FNDC3A: variants seen among roughly 807,000 people sequenced by gnomAD.
FNDC3A encodes fibronectin type-III domain-containing protein 3A.
FNDC3A carries 32 observed loss-of-function variants against 148.9 expected under a neutral mutation model. The observed-to-expected ratio is 0.21, with a 90% CI of 0.16 to 0.29. The LOEUF is 0.29. FNDC3A is among the 10% of genes least tolerant of loss of function. The probability of loss-of-function intolerance (pLI) is 1.00; values close to 1 mark genes in which losing one functional copy is unlikely to be tolerated. For missense variants in FNDC3A, 1,191 were observed against 1,452.8 expected (o/e 0.82, Z 2.93); for synonymous variants, 472 against 473.6 (o/e 1.00, Z 0.04).
intron 14 of FNDC3A, among the ~76,000 whole-genome samples, chr13:49,185,487 T>TA (rs1350961733): frequency 6.6e-6 from 1 of 152,144 alleles, no homozygotes. Flanking sequence ...ATAGGGAAGT[T>TA]ACACACACCG....
intron 3 of FNDC3A, among the ~76,000 whole-genome samples, chr13:49,103,577 G>T (rs988023867): frequency 6.6e-6 from 1 of 152,162 alleles, no homozygotes; most frequent in African/African-American, 2.4e-5. Flanking sequence ...AGGGACTGGG[G>T]GCAAGGAGAC....
chr13:49,083,838 A>C (rs936099472), intron 3 of FNDC3A, among the ~76,000 whole-genome samples: 1 of 152,244 alleles, frequency 6.6e-6, no homozygotes, highest in African/African-American at 2.4e-5. Context: ...GTGATATTAT[A>C]AAAGTAATTC....
At chr13:49,049,576 G>C (rs1875675134) in intron 2 of FNDC3A, among the ~76,000 whole-genome samples, 1 of 151,660 alleles carries the variant, frequency 6.6e-6, no homozygotes, top group Admixed American at 6.6e-5. Flanking sequence ...ATCTCCTCTA[G>C]GTTTTCTAAT....
At chr13:49,155,228 C>T (rs1380928714) in intron 8 of FNDC3A, among the ~76,000 whole-genome samples, 1 of 152,130 alleles carries the variant, frequency 6.6e-6, no homozygotes, top group Non-Finnish European at 1.5e-5. Flanking sequence ...GATTCACCTT[C>T]TTCCTGGTTT....
chr13:49,202,740 C>A (rs1886477977), intron 24 of FNDC3A, among the ~76,000 whole-genome samples: 1 of 152,212 alleles, frequency 6.6e-6, no homozygotes. Context: ...CAGTGGCTCA[C>A]ACCTATAAGC....
chr13:49,166,211 T>C (rs1884452783), intron 8 of FNDC3A, among the ~76,000 whole-genome samples: 1 of 152,180 alleles, frequency 6.6e-6, no homozygotes, highest in Non-Finnish European at 1.5e-5. Context: ...TCACTTGCGC[T>C]TTGGCCCCAG....
intron 3 of FNDC3A, among the ~76,000 whole-genome samples, chr13:49,105,022 T>C (rs534279637): frequency 1.3e-5 from 2 of 152,270 alleles, no homozygotes; most frequent in East Asian, 3.9e-4. Context: ...GAAGAGTATA[T>C]TTGCAACCAA....
chr13:49,207,919 G>C lies in FNDC3A; in HGVS notation c.*524G>C, dbSNP rs891765097. 4.6e-5 allele frequency: 7 copies of C among 152,590 alleles called. No homozygotes were observed. Among genetic ancestry groups the C allele is most frequent in the African/African-American group, 1.7e-4 (7 of 41,416 alleles). 9.5% of individuals were successfully genotyped at this position (152,590 alleles called of 1,614,324 possible). ...GGGATTATGATGAGTAACTGGAGGGGCTTAGAAACAAAAACTGGATGAAAG... is the reference window on the plus strand; with the variant it reads ...GGGATTATGATGAGTAACTGGAGGGCCTTAGAAACAAAAACTGGATGAAAG... On this transcript the variant is annotated 3_prime_UTR_variant, in exon 26 of 26. Coordinates refer to ENST00000492622, the MANE Select transcript of FNDC3A (RefSeq NM_001079673.2).
intron 3 of FNDC3A, among the ~76,000 whole-genome samples, chr13:49,108,749 G>A (rs2137858722): frequency 6.6e-6 from 1 of 152,228 alleles, no homozygotes; most frequent in South Asian, 2.1e-4. Context: ...TTTACAGGGG[G>A]GCTGGGTCTA....
intron 3 of FNDC3A, among the ~76,000 whole-genome samples, chr13:49,108,153 A>G (rs1324680297): frequency 2.0e-5 from 3 of 152,224 alleles, no homozygotes; most frequent in Admixed American, 1.3e-4. Flanking sequence ...AACATGGGTT[A>G]CTAAAAATAG....
intron 23 of FNDC3A, 129 bp downstream of exon 23, chr13:49,198,703 A>G (rs1439808281): frequency 6.9e-6 from 5 of 722,368 alleles, no homozygotes; most frequent in Non-Finnish European, 1.1e-5. Flanking sequence ...AGGCTGAGGC[A>G]GGCGAATTGC....
intron 4 of FNDC3A, among the ~76,000 whole-genome samples, chr13:49,116,480 G>A (rs1880967118): frequency 6.6e-6 from 1 of 152,136 alleles, no homozygotes; most frequent in East Asian, 1.9e-4. Flanking sequence ...TCTGGGAAGA[G>A]GCAAATAAAA....
At chr13:49,007,361 C>A (rs1302748575) in intron 2 of FNDC3A, among the ~76,000 whole-genome samples, 3 of 152,034 alleles carry the variant, frequency 2.0e-5, no homozygotes, top group African/African-American at 7.2e-5. Context: ...CCAGCAATTT[C>A]ATTCCACAAA....
intron 3 of FNDC3A, among the ~76,000 whole-genome samples, chr13:49,095,775 T>A (rs1339218984): frequency 6.6e-6 from 1 of 152,074 alleles, no homozygotes; most frequent in Non-Finnish European, 1.5e-5. Flanking sequence ...GGCAAACCTT[T>A]GTAATTTTTT....
intron 4 of FNDC3A, among the ~76,000 whole-genome samples, 194 bp downstream of exon 4, chr13:49,114,925 A>T (rs994820065): frequency 1.3e-5 from 2 of 152,138 alleles, no homozygotes; most frequent in South Asian, 2.1e-4. Context: ...AGCACTCATC[A>T]TTTGTCCTTG....
rs201830513 is a variant in FNDC3A at position 49,203,141 on chromosome 13, T to A, written c.3155-16T>A. Reference sequence around the variant, plus strand: ...AATCAAGTGGAACAGATATTATTTATATTTGTTTCCTACAGCCCCCAAAAT... The same window carrying A: ...AATCAAGTGGAACAGATATTATTTAAATTTGTTTCCTACAGCCCCCAAAAT... On this transcript the variant is annotated splice_polypyrimidine_tract_variant and intron_variant, in intron 24 of 25. Coordinates refer to ENST00000492622, the MANE Select transcript of FNDC3A (RefSeq NM_001079673.2). 1.7e-4 allele frequency: 261 copies of A among 1,548,756 alleles called. 2 individuals are homozygous for A. In the African/African-American group the frequency reaches 3.3e-3, roughly 19 times the overall value.
intron 3 of FNDC3A, among the ~76,000 whole-genome samples, chr13:49,078,369 A>G (rs1878255834): frequency 1.3e-5 from 2 of 152,216 alleles, no homozygotes; most frequent in Non-Finnish European, 2.9e-5. Flanking sequence ...AGTGATAGGA[A>G]CTAACTACCA....
At chr13:49,080,708 A>C (rs1037960124) in intron 3 of FNDC3A, among the ~76,000 whole-genome samples, 10 of 152,188 alleles carry the variant, frequency 6.6e-5, no homozygotes, top group Non-Finnish European at 8.8e-5. Flanking sequence ...TCTTAGTTTT[A>C]TGTTGTGAAG....
chr13:49,135,188 T>C (rs1312645753), intron 5 of FNDC3A, among the ~76,000 whole-genome samples: 1 of 152,096 alleles, frequency 6.6e-6, no homozygotes, highest in Non-Finnish European at 1.5e-5. Flanking sequence ...AAATGTCTAT[T>C]TGAATTCTTC....
Sources: allele counts gnomAD v4.1 joint callset (sites outside exome capture counted in the v4.1 genomes callset), GRCh38; gene constraint gnomAD v4.1.1; transcripts MANE v1.5; gene names NCBI Gene and HGNC (gene_info 2026-07-23, HGNC 2026-07-21).